The following SLC35D4 variants were observed in gnomAD, a reference collection of about 807,000 sequenced individuals.
The protein encoded by SLC35D4 is solute carrier family 35 member D4.
At chr18:23,340,756 G>C in the SLC35D4 span, among the ~76,000 whole-genome samples, 1 of 152,184 alleles carries the variant, frequency 6.6e-6, no homozygotes, top group Non-Finnish European at 1.5e-5. Context: ...TCTTACAGAG[G>C]CAGCTTTGAA....
the SLC35D4 span, among the ~76,000 whole-genome samples, chr18:23,404,199 T>A: frequency 1.3e-5 from 2 of 152,226 alleles, no homozygotes; most frequent in African/African-American, 2.4e-5. Flanking sequence ...AAGAGCCTTC[T>A]GTGGCTTGGA....
At chr18:23,364,526 A>C in the SLC35D4 span, among the ~76,000 whole-genome samples, 4 of 152,288 alleles carry the variant, frequency 2.6e-5, no homozygotes, top group African/African-American at 9.6e-5. Flanking sequence ...CAAAGCAAAA[A>C]ACTGTGATGG....
chr18:23,394,440 T>C, the SLC35D4 span, among the ~76,000 whole-genome samples: 2 of 152,252 alleles, frequency 1.3e-5, no homozygotes, highest in African/African-American at 4.8e-5. Context: ...GAGTTCTCTA[T>C]ATAGCCTATA....
At chr18:23,260,098 G>C in the SLC35D4 span, 1 of 152,212 alleles carries the variant, frequency 6.6e-6, no homozygotes, top group African/African-American at 2.4e-5. Context: ...AGGAGGAAAC[G>C]GGCAGCAGGG....
the SLC35D4 span, among the ~76,000 whole-genome samples, chr18:23,393,945 T>A: frequency 3.3e-5 from 5 of 152,346 alleles, no homozygotes; most frequent in African/African-American, 1.2e-4. Flanking sequence ...TCACATTTTA[T>A]CTATTCATCC....
At chr18:23,358,641 G>A in the SLC35D4 span, among the ~76,000 whole-genome samples, 5 of 152,030 alleles carry the variant, frequency 3.3e-5, no homozygotes, top group Non-Finnish European at 7.3e-5. Context: ...TAGAATTAGC[G>A]AGTCCTTGAG....
chr18:23,374,064 A>C, the SLC35D4 span, among the ~76,000 whole-genome samples: 1 of 152,242 alleles, frequency 6.6e-6, no homozygotes, highest in African/African-American at 2.4e-5. Context: ...TGTGCCTGTG[A>C]AACATCTAAT....
the SLC35D4 span, among the ~76,000 whole-genome samples, chr18:23,403,463 C>T: frequency 2.0e-5 from 3 of 152,100 alleles, no homozygotes; most frequent in Admixed American, 6.5e-5. Context: ...GCAAGGGACA[C>T]GACATTCCAG....
At chr18:23,384,977 C>T in the SLC35D4 span, 1 of 1,611,798 alleles carries the variant, frequency 6.2e-7, no homozygotes. Flanking sequence ...TAGCATTTTG[C>T]ATGATCGTTT....
At chr18:23,383,819 G>A in the SLC35D4 span, among the ~76,000 whole-genome samples, 1 of 152,078 alleles carries the variant, frequency 6.6e-6, no homozygotes, top group Non-Finnish European at 1.5e-5. Context: ...ATAAGCCAGT[G>A]ACGAGGGAGA....
the SLC35D4 span, among the ~76,000 whole-genome samples, chr18:23,422,023 C>G: frequency 2.6e-5 from 4 of 152,020 alleles, no homozygotes; most frequent in Non-Finnish European, 1.5e-5. Context: ...TCACTCATAG[C>G]CACTGCTTCT....
the SLC35D4 span, chr18:23,356,626 G>A: frequency 6.2e-7 from 1 of 1,614,082 alleles, no homozygotes; most frequent in Non-Finnish European, 8.5e-7. The surrounding 1 kb of genome is among the most constrained non-coding windows in gnomAD (Gnocchi z 4.1). Context: ...ATCTGTAGAA[G>A]TACAGGAATG....
chr18:23,300,101 C>A, the SLC35D4 span, among the ~76,000 whole-genome samples: 1 of 152,258 alleles, frequency 6.6e-6, no homozygotes, highest in Admixed American at 6.5e-5. Flanking sequence ...AAGCTGGGAG[C>A]CTGCTTGTCC....
the SLC35D4 span, among the ~76,000 whole-genome samples, chr18:23,285,518 G>A: frequency 1.3e-5 from 2 of 151,950 alleles, no homozygotes; most frequent in Non-Finnish European, 2.9e-5. Flanking sequence ...TCGTAAAATG[G>A]GCAAATGGTC....
At chr18:23,238,778 A>AGGGGGATC in the SLC35D4 span, among the ~76,000 whole-genome samples, 1 of 152,346 alleles carries the variant, frequency 6.6e-6, no homozygotes, top group African/African-American at 2.4e-5. Flanking sequence ...TAGTTGATAG[A>AGGGGGATC]CAGGAAATGG....
At chr18:23,290,660 T>G in the SLC35D4 span, among the ~76,000 whole-genome samples, 1 of 151,468 alleles carries the variant, frequency 6.6e-6, no homozygotes, top group Non-Finnish European at 1.5e-5. Flanking sequence ...GGAGTCTCAC[T>G]GTGTCGCCCA....
chr18:23,437,945 A>C, the SLC35D4 span: 1 of 1,402,988 alleles, frequency 7.1e-7, no homozygotes, highest in Non-Finnish European at 9.8e-7. Context: ...CGGCAGCGGC[A>C]GCAGCCGCCC....
chr18:23,308,036 T>C, the SLC35D4 span, among the ~76,000 whole-genome samples: 3 of 152,156 alleles, frequency 2.0e-5, no homozygotes, highest in East Asian at 1.9e-4. Context: ...CAGACCCTAA[T>C]GGGCAGAAAG....
At chr18:23,264,528 A>T in the SLC35D4 span, among the ~76,000 whole-genome samples, 1 of 151,918 alleles carries the variant, frequency 6.6e-6, no homozygotes, top group East Asian at 1.9e-4. Flanking sequence ...ACGCCCGGCT[A>T]ATTTTTGTAT....
Sources: gnomAD v4.1 joint callset for allele counts (sites outside exome capture counted in the v4.1 genomes callset) on GRCh38, gnomAD v4.1.1 for gene constraint, Gnocchi (gnomAD v3.1) non-coding constraint, MANE v1.5 for transcripts, NCBI Gene and HGNC (gene_info 2026-07-23, HGNC 2026-07-21) for gene names.